The following MED13 variants were observed in gnomAD, a reference collection of about 807,000 sequenced individuals.
MED13 encodes the protein mediator of RNA polymerase II transcription subunit 13.
Under a neutral mutation model 225.2 loss-of-function variants are expected in MED13, and 23 were observed. The observed-to-expected ratio is 0.10, with a 90% CI of 0.07 to 0.14. The LOEUF (loss-of-function observed/expected upper bound fraction) is 0.14, where lower values mean the gene tolerates loss of function less well. Among genes scored for constraint, MED13 ranks in the 10% least tolerant of loss-of-function variants. The pLI, the probability that MED13 is intolerant of heterozygous loss-of-function variation, is 1.00. For synonymous variants in MED13, 942 were observed against 889.2 expected (o/e 1.06, Z -1.06); for missense variants, 2,197 against 2,594.5 (o/e 0.85, Z 3.33).
At chr17:62,060,979 G>A (rs962810755) in intron 2 of MED13, among the ~76,000 whole-genome samples, 6 of 152,036 alleles carry the variant, frequency 3.9e-5, no homozygotes, top group African/African-American at 9.7e-5. Context: ...GATTACAGGC[G>A]TGAGTGAGCC....
intron 3 of MED13, among the ~76,000 whole-genome samples, chr17:62,051,885 C>T: frequency 6.6e-6 from 1 of 152,134 alleles, no homozygotes; most frequent in East Asian, 1.9e-4. Context: ...GAGACTATGC[C>T]TTATATTATC....
intron 8 of MED13, among the ~76,000 whole-genome samples, chr17:62,017,122 A>C (rs764615315): frequency 6.6e-6 from 1 of 151,520 alleles, no homozygotes; most frequent in Non-Finnish European, 1.5e-5. Context: ...CAGTAAGTGA[A>C]TACGAATGGT....
intron 8 of MED13, among the ~76,000 whole-genome samples, chr17:62,028,788 TGAGCC>T (rs1306582150): frequency 6.6e-6 from 1 of 151,350 alleles, no homozygotes; most frequent in East Asian, 1.9e-4. Flanking sequence ...GAGCTTGCAG[TGAGCC>T]GAGATCACGC....
At chr17:61,954,438 G>C (rs2079924025) in intron 26 of MED13, among the ~76,000 whole-genome samples, 1 of 151,964 alleles carries the variant, frequency 6.6e-6, no homozygotes, top group Non-Finnish European at 1.5e-5. Context: ...AAAGCACAAG[G>C]GTAAACCTAT....
chr17:61,992,190 T>C (rs555151553), intron 11 of MED13, among the ~76,000 whole-genome samples: 2 of 152,350 alleles, frequency 1.3e-5, no homozygotes, highest in East Asian at 3.9e-4. Context: ...AATGGCCTTT[T>C]CTCAATCACT....
Position 61,966,574 on chromosome 17 carries a change from T to C in MED13, c.4269A>G (p.Ser1423=), listed in dbSNP as rs1418880167. 1.2e-6 allele frequency: 2 copies of C among 1,613,994 alleles called. No individual in the cohort carries two copies. The highest frequency in any genetic ancestry group is 1.1e-5 in the South Asian group (1 of 91,082). ...DGIMRVGSTA[S]KKLSEKLVAE... is the part of the protein sequence containing the mutation. ...CTACCAACTTTTCTGATAGTTTCTT[T>C]GATGCAGTAGATCCAACTCTCATGA... Residue 1423 remains serine, a synonymous_variant, in exon 19 of 30, where the codon TCA becomes TCG. Coordinates refer to ENST00000397786, the MANE Select transcript of MED13 (RefSeq NM_005121.3).
rs1254753912 is a variant in MED13, at chr17:62,010,943, G to T, written c.1574C>A (p.Thr525Asn). 3 of 1,612,426 alleles carry T rather than the reference G, an allele frequency of 1.9e-6. No homozygotes were observed. In the African/African-American group the frequency reaches 4.0e-5, roughly 22 times the overall value. ...DVAKTPQMHGTEMANSPQPPP... is the reference protein window; with the variant it reads ...DVAKTPQMHGNEMANSPQPPP... ...TGGTTGAGGTGAATTTGCCATTTCG[G>T]TGCCATGCATCTGAGGAGTCTTTGC... Residue 525 changes from threonine to asparagine, a missense_variant, in exon 9 of 30, where the codon ACC (threonine) becomes AAC (asparagine). Thr to Asn is a moderately conservative substitution (Grantham distance 65). Coordinates refer to ENST00000397786, the MANE Select transcript of MED13 (RefSeq NM_005121.3).
intron 9 of MED13, among the ~76,000 whole-genome samples, chr17:62,001,651 C>T (rs2080396315): frequency 6.6e-6 from 1 of 152,154 alleles, no homozygotes; most frequent in East Asian, 1.9e-4. Flanking sequence ...ATAATCTAAC[C>T]ATACCAAACT....
chr17:61,964,913 G>A (rs573420035), intron 20 of MED13, 93 bp downstream of exon 20: 32 of 1,223,150 alleles, frequency 2.6e-5, no homozygotes, highest in African/African-American at 2.1e-4. Flanking sequence ...TACAGCCTGC[G>A]CAAAAGAGTG....
intron 21 of MED13, 143 bp from the exon 22 acceptor site, chr17:61,961,922 T>C (rs2080004382): frequency 8.7e-6 from 7 of 808,808 alleles, no homozygotes; most frequent in East Asian, 2.7e-5. Context: ...TGTTTTCTTA[T>C]CTATTATGTA....
intron 17 of MED13, among the ~76,000 whole-genome samples, chr17:61,971,270 A>G (rs928989180): frequency 4.0e-5 from 6 of 149,568 alleles, no homozygotes; most frequent in Non-Finnish European, 8.9e-5. Context: ...ATAAATAAAT[A>G]TCTACTTTTT....
rs751076406 is a variant in MED13, at chr17:61,953,058, G to A, written c.6024C>T (p.Asp2008=). The A allele has an allele frequency of 1.2e-6, 2 of 1,613,776 alleles. No homozygotes were observed. Among genetic ancestry groups the A allele is most frequent in the Middle Eastern group, 1.6e-4 (1 of 6,062 alleles). Residue 2008 remains aspartate (D), a synonymous_variant, in exon 27 of 30, where the codon GAC becomes GAT. Transcript: ENST00000397786. ...FDLLDTGDDL[D]PDIINILPAS... is the part of the protein sequence containing the mutation. ...CAGGAAGGATATTAATGATATCAGGGTCAAGATCATCTCCTGTGTCTAACA... is the reference window on the plus strand; with the variant it reads ...CAGGAAGGATATTAATGATATCAGGATCAAGATCATCTCCTGTGTCTAACA...
Position 61,982,388 on chromosome 17 carries a change from T to C in MED13, c.3615A>G (p.Ala1205=). The part of the protein sequence containing the change: ...QCTNLFSPFG[A]ADQDPFPKSG... Reference sequence around the variant, plus strand: ...TTTTAGGAAAAGGATCTTGGTCTGCTGCTCCAAAGGGTGAAAATAAATTAG... The same window carrying C: ...TTTTAGGAAAAGGATCTTGGTCTGCCGCTCCAAAGGGTGAAAATAAATTAG... The change falls in exon 16 of 30, where the codon GCA becomes GCG. Residue 1205 remains alanine, a synonymous_variant. Coordinates refer to ENST00000397786, the MANE Select transcript of MED13 (RefSeq NM_005121.3). 1 of 1,614,248 alleles carries C rather than the reference T, an allele frequency of 6.2e-7. No homozygotes were observed.
chr17:61,962,697 T>C (rs892062299), intron 21 of MED13, 55 bp downstream of exon 21: 134 of 1,504,252 alleles, frequency 8.9e-5, no homozygotes, highest in African/African-American at 2.5e-4. Flanking sequence ...CTGAAACTTC[T>C]GACAACATTA....
In MED13 at chr17:61,995,162, T is replaced by C. The variant is rs762847899; in HGVS notation, c.2171A>G (p.Lys724Arg). ...DRQNSEREAGKKHKVEDGTSS... is the reference protein window; with the variant it reads ...DRQNSEREAGRKHKVEDGTSS... ...TGTGATTTCTCTTACCTTGTGTTTT[T>C]TTCCAGCTTCTCTCTCACTATTTTG... Residue 724 changes from lysine (K) to arginine (R), a missense_variant, in exon 10 of 30, where the codon AAA (lysine) becomes AGA (arginine). Lys to Arg is a conservative substitution (Grantham distance 26, BLOSUM62 2). This residue lies in a region of MED13 where 884 missense variants were observed against 918.5 expected (regional missense o/e 0.96). Coordinates refer to ENST00000397786, the MANE Select transcript of MED13 (RefSeq NM_005121.3). 20 of 1,613,142 alleles carry C rather than the reference T, an allele frequency of 1.2e-5. No individual in the cohort carries two copies. The East Asian group carries it at 4.2e-4, about 34-fold the overall frequency.
rs1405671721 is a variant in MED13 at position 62,065,277 on chromosome 17, A to G, written c.-72T>C. ...ATTACCGCCGCCTCCGACCAGAGAG[A>G]GAAACACAGACACCGGGGAGGGCCG... On this transcript the variant is annotated 5_prime_UTR_variant, in exon 1 of 30. Transcript: ENST00000397786. The G allele has an allele frequency of 4.4e-6, 4 of 908,390 alleles. No homozygotes were observed. The highest frequency in any genetic ancestry group is 4.7e-6 in the Non-Finnish European group (3 of 634,464). The allele number at this position is 908,390 out of a possible 1,614,324, so 56.3% of individuals were successfully genotyped here. A position where few individuals can be genotyped will look rare whatever the true frequency, so the allele number is the denominator to read the frequency against.
chr17:61,946,482 T>TTA lies in MED13; in HGVS notation c.6510_6511insTA (p.Met2171Ter). 6.2e-7 allele frequency: 1 copy of TTA among 1,613,644 alleles called. No individual in the cohort carries two copies. The highest frequency in any genetic ancestry group is 8.5e-7 in the Non-Finnish European group (1 of 1,179,728). On this transcript the variant is annotated frameshift_variant, in exon 30 of 30. Transcript: ENST00000397786. LOFTEE classifies it high-confidence loss of function. ...TCAAATGAAGATCACAGCATATTCA[T>TTA]AATAAAGTTATATAACTGATTCAGC...
Position 62,029,584 on chromosome 17 carries a change from C to G in MED13, c.1240G>C (p.Asp414His), listed in dbSNP as rs766046879. 6.2e-7 allele frequency: 1 copy of G among 1,614,132 alleles called. No homozygotes were observed. Among genetic ancestry groups the G allele is most frequent in the Non-Finnish European group, 8.5e-7 (1 of 1,180,014 alleles). Residue 414 changes from aspartate (D) to histidine (H), a missense_variant, in exon 8 of 30, where the codon GAT becomes CAT. Physicochemically the swap from Asp to His is moderately conservative, Grantham distance 81. This residue lies in a region of MED13 where 884 missense variants were observed against 918.5 expected (regional missense o/e 0.96). Transcript: ENST00000397786. Reference protein sequence around the residue: ...EATAAKVASWDFVEATQRTNC... With the variant: ...EATAAKVASWHFVEATQRTNC... ...GTTCTTTGTGTGGCTTCAACAAAAT[C>G]CCAGGATGCCACTTTAGCAGCTGTC...
chr17:61,987,383 G>A (rs796544531), intron 11 of MED13, among the ~76,000 whole-genome samples: 11 of 152,080 alleles, frequency 7.2e-5, no homozygotes, highest in African/African-American at 2.7e-4. Flanking sequence ...GCAGTGAGCC[G>A]AGATAGCACC....
Sources: gnomAD v4.1 joint callset for allele counts (sites outside exome capture counted in the v4.1 genomes callset) on GRCh38, gnomAD v4.1.1 for gene constraint, gnomAD v4.1.1 regional missense constraint, MANE v1.5 for transcripts, NCBI Gene and HGNC (gene_info 2026-07-23, HGNC 2026-07-21) for gene names.